The following CSPP1 variants were observed in gnomAD, a reference collection of about 807,000 sequenced individuals.
The protein encoded by CSPP1 is centrosome and spindle pole associated protein 1.
Under a neutral mutation model 164.4 loss-of-function variants are expected in CSPP1, and 126 were observed. The ratio of observed to expected loss-of-function variants is 0.77; its 90% CI spans 0.66 to 0.89. CSPP1 has a LOEUF of 0.89. Ranked by LOEUF, CSPP1 falls within the 40% of genes least tolerant of loss-of-function variation. CSPP1 has a pLI of 0.00. For missense variants in CSPP1, 1,395 were observed against 1,449.8 expected, an observed-to-expected ratio of 0.96 and a Z score of 0.61; for synonymous variants, 472 against 476.7, an observed-to-expected ratio of 0.99 and a Z score of 0.13.
At chr8:67,088,301 T>C (rs1309928809) in intron 4 of CSPP1, among the ~76,000 whole-genome samples, 1 of 152,008 alleles carries the variant, frequency 6.6e-6, no homozygotes, top group African/African-American at 2.4e-5. Context: ...TTTTGGTTTT[T>C]TTTTGAGACA....
intron 24 of CSPP1, 152 bp from the exon 25 acceptor site, chr8:67,172,264 G>A (rs1442678400): frequency 1.8e-6 from 1 of 561,732 alleles, no homozygotes; most frequent in South Asian, 2.5e-5. Context: ...AAAGTGCTGG[G>A]ATTACAAGTG....
chr8:67,064,658 C>A, intron 1 of CSPP1, 120 bp downstream of exon 1: 2 of 361,462 alleles, frequency 5.5e-6, no homozygotes, highest in Non-Finnish European at 4.1e-6. Flanking sequence ...ACTAGGCCGG[C>A]GACGTGCCAG....
intron 4 of CSPP1, 46 bp downstream of exon 4, chr8:67,086,156 G>A: frequency 1.1e-6 from 1 of 919,336 alleles, no homozygotes; most frequent in East Asian, 2.4e-5. Flanking sequence ...TCAGAATTCA[G>A]CTCCTAAATT....
chr8:67,101,256 T>C (rs1403818012), intron 7 of CSPP1, among the ~76,000 whole-genome samples: 1 of 152,172 alleles, frequency 6.6e-6, no homozygotes, highest in East Asian at 1.9e-4. Flanking sequence ...GAAAAGCAAA[T>C]GTTTAGCATA....
intron 28 of CSPP1, among the ~76,000 whole-genome samples, chr8:67,189,546 C>T (rs1835618789): frequency 6.6e-6 from 1 of 152,150 alleles, no homozygotes. Flanking sequence ...TTTAAAAACC[C>T]ATACAGTATA....
At chr8:67,104,841 T>C (rs2129547490) in intron 8 of CSPP1, among the ~76,000 whole-genome samples, 1 of 150,364 alleles carries the variant, frequency 6.7e-6, no homozygotes, top group South Asian at 2.1e-4. Flanking sequence ...GATTTCACCA[T>C]GTTAGCCAGG....
chr8:67,064,510 A>T lies in CSPP1; in HGVS notation c.-39A>T. On this transcript the variant is annotated 5_prime_UTR_variant, in exon 1 of 31. Transcript: ENST00000678616. ...CCGCTCCCCTGAGTAAGAGTCAGCCAGCCGCGGATGGGGAGCGTGAGTGGC... is the reference window on the plus strand; with the variant it reads ...CCGCTCCCCTGAGTAAGAGTCAGCCTGCCGCGGATGGGGAGCGTGAGTGGC... 1 of 1,613,222 alleles carries T rather than the reference A, an allele frequency of 6.2e-7. No individual in the cohort carries two copies. The highest frequency in any genetic ancestry group is 8.5e-7 in the Non-Finnish European group (1 of 1,179,734).
At chr8:67,120,266 C>A (rs763213830) in intron 15 of CSPP1, among the ~76,000 whole-genome samples, 1 of 152,080 alleles carries the variant, frequency 6.6e-6, no homozygotes, top group Admixed American at 6.6e-5. Context: ...GTTTTGATTA[C>A]TGTTGCTTTG....
chr8:67,160,674 T>C (rs934670915), intron 21 of CSPP1, among the ~76,000 whole-genome samples: 1 of 151,934 alleles, frequency 6.6e-6, no homozygotes, highest in African/African-American at 2.4e-5. Context: ...TATCATTTTC[T>C]TTCATTTATG....
chr8:67,186,814 A>G (rs1586872805), intron 28 of CSPP1, among the ~76,000 whole-genome samples: 1 of 152,260 alleles, frequency 6.6e-6, no homozygotes, highest in South Asian at 2.1e-4. Flanking sequence ...GTAAGCAGTT[A>G]TAATCAAGTT....
At chr8:67,114,002 C>T (rs1025150403) in intron 11 of CSPP1, 140 bp downstream of exon 11, 30 of 537,234 alleles carry the variant, frequency 5.6e-5, no homozygotes, top group Middle Eastern at 3.2e-4. Context: ...AAATTCAGTT[C>T]TCATAAAGTG....
At chr8:67,154,631 G>A (rs1241804755) in intron 19 of CSPP1, among the ~76,000 whole-genome samples, 1 of 152,128 alleles carries the variant, frequency 6.6e-6, no homozygotes, top group Admixed American at 6.5e-5. Context: ...CTCTCAAAGT[G>A]CTGGGATTAC....
At chr8:67,080,897 CA>C (rs1346692666) in intron 3 of CSPP1, 1 of 152,012 alleles carries the variant, frequency 6.6e-6, no homozygotes, top group Admixed American at 6.6e-5. Flanking sequence ...CCTGAGTGTC[CA>C]GAGTTTTTAC....
At chr8:67,073,989 C>T (rs977746339) in intron 1 of CSPP1, among the ~76,000 whole-genome samples, 12 of 151,776 alleles carry the variant, frequency 7.9e-5, no homozygotes, top group Non-Finnish European at 1.6e-4. Context: ...CGTTTTTTGC[C>T]GGAGAGGGAG....
intron 18 of CSPP1, among the ~76,000 whole-genome samples, chr8:67,152,533 T>C (rs998896238): frequency 4.6e-5 from 7 of 152,258 alleles, no homozygotes; most frequent in Middle Eastern, 3.2e-3. Context: ...CCCTATGATT[T>C]TCCTTTTATA....
intron 24 of CSPP1, among the ~76,000 whole-genome samples, chr8:67,168,508 GAATA>G (rs1379454520): frequency 6.6e-5 from 10 of 152,026 alleles, no homozygotes; most frequent in Non-Finnish European, 7.4e-5. Flanking sequence ...ATCTAGTGAA[GAATA>G]AATAAATGTA....
intron 3 of CSPP1, among the ~76,000 whole-genome samples, chr8:67,079,755 TCTC>T (rs1808760973): frequency 6.6e-6 from 1 of 152,236 alleles, no homozygotes. Flanking sequence ...GAGGATTTGT[TCTC>T]CTCTTGAAGA....
intron 16 of CSPP1, chr8:67,135,032 A>G (rs1821971988): frequency 6.6e-6 from 1 of 152,224 alleles, no homozygotes; most frequent in African/African-American, 2.4e-5. Flanking sequence ...TCTTCTTTTA[A>G]TACAAGGCTG....
At chr8:67,141,846 T>G (rs1823578482) in intron 17 of CSPP1, among the ~76,000 whole-genome samples, 1 of 152,220 alleles carries the variant, frequency 6.6e-6, no homozygotes, top group African/African-American at 2.4e-5. Context: ...GGCGGGAACA[T>G]TACATTTGAA....
Sources: gnomAD v4.1 joint callset for allele counts (sites outside exome capture counted in the v4.1 genomes callset) on GRCh38, gnomAD v4.1.1 for gene constraint, MANE v1.5 for transcripts, NCBI Gene and HGNC (gene_info 2026-07-23, HGNC 2026-07-21) for gene names.